RANBP2: variants seen among roughly 807,000 people sequenced by gnomAD.
RANBP2 encodes the protein RAN binding protein 2.
A neutral mutation model predicts 303.6 loss-of-function variants in RANBP2; 57 were observed. That is an observed-to-expected ratio of 0.19 (90% confidence interval 0.15 to 0.23). The LOEUF (loss-of-function observed/expected upper bound fraction) is 0.23, where lower values mean the gene tolerates loss of function less well. RANBP2 is among the 10% of genes least tolerant of loss of function. The pLI is 1.00. For synonymous variants in RANBP2, 1,167 were observed against 1,301.5 expected, an observed-to-expected ratio of 0.90 and a Z score of 2.23; for missense variants, 3,138 against 3,780.8, an observed-to-expected ratio of 0.83 and a Z score of 4.46.
chr2:109,496,006 C>T, the RANBP2 span, among the ~76,000 whole-genome samples: 11 of 152,188 alleles, frequency 7.2e-5, no homozygotes, highest in East Asian at 1.9e-4. Context: ...CACAGACCTT[C>T]GCGGTGAAGA....
chr2:109,398,840 A>G, the RANBP2 span: 2 of 1,613,950 alleles, frequency 1.2e-6, no homozygotes, highest in Non-Finnish European at 1.7e-6. Context: ...AGCCACAGGC[A>G]TTCCATGGAA....
the RANBP2 span, chr2:108,929,093 A>T: frequency 7.6e-7 from 1 of 1,322,206 alleles, no homozygotes. Context: ...GGCTGCACCG[A>T]GGCCTGCAGT....
the RANBP2 span, among the ~76,000 whole-genome samples, chr2:109,349,383 C>T: frequency 3.3e-5 from 5 of 152,192 alleles, no homozygotes; most frequent in South Asian, 2.1e-4. Flanking sequence ...CACAGCTTCC[C>T]GGGAAACTGC....
the RANBP2 span, among the ~76,000 whole-genome samples, chr2:109,518,913 A>ATTTTTTTTTTTTTT: frequency 7.5e-6 from 1 of 133,402 alleles, no homozygotes; most frequent in African/African-American, 3.2e-5. Flanking sequence ...GGTGCTACAT[A>ATTTTTTTTTTTTTT]TCTTTTTTTT....
chr2:109,349,100 A>G, the RANBP2 span, among the ~76,000 whole-genome samples: 2 of 152,118 alleles, frequency 1.3e-5, no homozygotes, highest in Non-Finnish European at 2.9e-5. Context: ...CTCTGCTTCT[A>G]AAGCCCACAT....
the RANBP2 span, among the ~76,000 whole-genome samples, chr2:109,540,341 T>C: frequency 3.3e-5 from 5 of 152,188 alleles, no homozygotes; most frequent in Non-Finnish European, 5.9e-5. Context: ...TGTCCTATCA[T>C]ACACAAGTGG....
chr2:109,260,381 A>G, the RANBP2 span, among the ~76,000 whole-genome samples: 1 of 152,182 alleles, frequency 6.6e-6, no homozygotes, highest in Non-Finnish European at 1.5e-5. Flanking sequence ...GTGCCCTTCC[A>G]GGAACCACCA....
chr2:108,740,663 C>T lies in RANBP2; in HGVS notation c.957C>T (p.Cys319=), dbSNP rs1443057827. 5.0e-6 allele frequency: 8 copies of T among 1,597,376 alleles called. No individual in the cohort carries two copies. Among genetic ancestry groups the T allele is most frequent in the Non-Finnish European group, 6.8e-6 (8 of 1,179,780 alleles). The change falls in exon 7 of 29, where the codon TGC becomes TGT. Residue 319 remains cysteine (C), a synonymous_variant. Coordinates refer to ENST00000283195, the MANE Select transcript of RANBP2 (RefSeq NM_006267.5). ...CTCTTTCTGAGCTGGCTGCATTGTG[C>T]TATCTCATAGCATTTCAGGTAAGTC... ...WRALSELAAL[C]YLIAFQVPRP...
chr2:109,044,719 T>G, the RANBP2 span, among the ~76,000 whole-genome samples: 1 of 152,104 alleles, frequency 6.6e-6, no homozygotes, highest in Non-Finnish European at 1.5e-5. Flanking sequence ...TAAGTATCTG[T>G]GTGGAGCTAG....
At chr2:109,408,946 C>T in the RANBP2 span, among the ~76,000 whole-genome samples, 20 of 152,320 alleles carry the variant, frequency 1.3e-4, no homozygotes, top group South Asian at 3.5e-3. Context: ...ATCCACGGCT[C>T]TTCCTGATAG....
chr2:109,355,046 C>T, the RANBP2 span, among the ~76,000 whole-genome samples: 1 of 152,194 alleles, frequency 6.6e-6, no homozygotes, highest in Non-Finnish European at 1.5e-5. Context: ...GGCTTACAAT[C>T]CTTTAGGACC....
At chr2:109,530,274 A>C in the RANBP2 span, among the ~76,000 whole-genome samples, 1 of 152,288 alleles carries the variant, frequency 6.6e-6, no homozygotes, top group Admixed American at 6.5e-5. Context: ...AAGGAGCGGC[A>C]TGTGGTCAGG....
At chr2:109,594,295 CA>C in the RANBP2 span, among the ~76,000 whole-genome samples, 1 of 152,006 alleles carries the variant, frequency 6.6e-6, no homozygotes, top group African/African-American at 2.4e-5. Flanking sequence ...CAAATGGTGT[CA>C]ATGAGAATAC....
chr2:108,980,773 G>C, the RANBP2 span, among the ~76,000 whole-genome samples: 4 of 152,146 alleles, frequency 2.6e-5, no homozygotes, highest in African/African-American at 7.2e-5. Context: ...GCTTGAATCA[G>C]TGTGGCCAGA....
At chr2:109,501,950 C>CG in the RANBP2 span, 1 of 391,546 alleles carries the variant, frequency 2.6e-6, no homozygotes, top group Non-Finnish European at 4.7e-6. Flanking sequence ...AGGCAGGTGC[C>CG]GGCGCAGGCA....
chr2:109,241,708 G>A, the RANBP2 span, among the ~76,000 whole-genome samples: 2 of 151,924 alleles, frequency 1.3e-5, no homozygotes, highest in Non-Finnish European at 2.9e-5. Flanking sequence ...CCTCTTCTCT[G>A]GCTTCTGTAT....
chr2:109,698,095 G>A, the RANBP2 span, among the ~76,000 whole-genome samples: 1 of 151,816 alleles, frequency 6.6e-6, no homozygotes, highest in Non-Finnish European at 1.5e-5. Context: ...CCTGACCTCA[G>A]GTGATCCACC....
the RANBP2 span, among the ~76,000 whole-genome samples, chr2:109,347,157 T>C: frequency 1.3e-5 from 2 of 152,034 alleles, no homozygotes; most frequent in African/African-American, 4.8e-5. Context: ...AAAGAAAAAA[T>C]GGTTGGATAC....
the RANBP2 span, among the ~76,000 whole-genome samples, chr2:108,988,045 G>A: frequency 1.3e-5 from 2 of 152,170 alleles, no homozygotes; most frequent in African/African-American, 4.8e-5. Context: ...AGTGGCCTGG[G>A]GACTGGGGAA....
Sources: gnomAD v4.1 joint callset for allele counts (sites outside exome capture counted in the v4.1 genomes callset) on GRCh38, gnomAD v4.1.1 for gene constraint, MANE v1.5 for transcripts, NCBI Gene and HGNC (gene_info 2026-07-23, HGNC 2026-07-21) for gene names.